The following RAB28 variants were observed in gnomAD, a reference collection of about 807,000 sequenced individuals.
The protein encoded by RAB28 is RAB28, member RAS oncogene family, also known as ras-related protein Rab-28.
RAB28 carries 24 observed loss-of-function variants against 31.7 expected under a neutral mutation model. That is an observed-to-expected ratio of 0.76 (90% CI 0.55 to 1.06). The LOEUF (loss-of-function observed/expected upper bound fraction) is 1.06, where lower values mean the gene tolerates loss of function less well. Ranked by LOEUF, RAB28 falls within the 50% of genes least tolerant of loss-of-function variation. The probability of loss-of-function intolerance (pLI) is 0.00; values close to 1 mark genes in which losing one functional copy is unlikely to be tolerated. For missense variants in RAB28, 254 were observed against 258.5 expected (o/e 0.98, Z 0.12); for synonymous variants, 100 against 90.4 (o/e 1.11, Z -0.60).
chr4:13,416,237 T>TGC (rs1424657746), intron 4 of RAB28, among the ~76,000 whole-genome samples: 1 of 152,170 alleles, frequency 6.6e-6, no homozygotes, highest in Non-Finnish European at 1.5e-5. Flanking sequence ...CAATAAATCT[T>TGC]GCTGCTGCTC....
intron 4 of RAB28, among the ~76,000 whole-genome samples, chr4:13,401,523 A>G (rs2108900661): frequency 6.6e-6 from 1 of 152,302 alleles, no homozygotes; most frequent in Middle Eastern, 3.4e-3. Context: ...CTTAAAGTAA[A>G]ATAATTTTAA....
chr4:13,385,232 G>A (rs971650991), intron 4 of RAB28, among the ~76,000 whole-genome samples: 4 of 152,156 alleles, frequency 2.6e-5, no homozygotes, highest in African/African-American at 9.7e-5. Flanking sequence ...ACTCATTGGT[G>A]TCCCTGAAAC....
intron 3 of RAB28, among the ~76,000 whole-genome samples, chr4:13,471,757 T>G (rs1278997853): frequency 6.6e-6 from 1 of 152,086 alleles, no homozygotes; most frequent in Non-Finnish European, 1.5e-5. Context: ...TCAGAAATAC[T>G]GTACTAAATT....
At chr4:13,434,358 G>C (rs1440518432) in intron 4 of RAB28, among the ~76,000 whole-genome samples, 1 of 152,040 alleles carries the variant, frequency 6.6e-6, no homozygotes, top group Non-Finnish European at 1.5e-5. Flanking sequence ...CATGATAAAG[G>C]GTTCAATTTG....
At chr4:13,368,851 C>T (rs1728613112) in intron 6 of RAB28, among the ~76,000 whole-genome samples, 1 of 151,414 alleles carries the variant, frequency 6.6e-6, no homozygotes, top group Non-Finnish European at 1.5e-5. Context: ...AATGGCAACT[C>T]AGCTACTGAG....
At chr4:13,419,410 T>C (rs1040931619) in intron 4 of RAB28, among the ~76,000 whole-genome samples, 117 of 152,214 alleles carry the variant, frequency 7.7e-4, no homozygotes, top group African/African-American at 2.7e-3. Flanking sequence ...CTAATAGATA[T>C]CTACAGAACT....
chr4:13,463,594 G>A (rs946198207), intron 3 of RAB28, among the ~76,000 whole-genome samples: 1 of 151,924 alleles, frequency 6.6e-6, no homozygotes, highest in South Asian at 2.1e-4. Context: ...CCAATCTCTG[G>A]TCTAGACAAA....
chr4:13,462,192 G>T (rs1715620902), intron 3 of RAB28, among the ~76,000 whole-genome samples: 1 of 152,124 alleles, frequency 6.6e-6, no homozygotes. Context: ...CAATTGGCTT[G>T]GGGTTCAGGG....
chr4:13,480,993 T>G (rs996724205), intron 1 of RAB28, among the ~76,000 whole-genome samples: 6 of 151,990 alleles, frequency 3.9e-5, no homozygotes, highest in Admixed American at 3.9e-4. Flanking sequence ...TTACAGATAT[T>G]TCAAAATATT....
chr4:13,402,369 G>A (rs1467023167), intron 4 of RAB28, among the ~76,000 whole-genome samples: 3 of 152,154 alleles, frequency 2.0e-5, no homozygotes, highest in Admixed American at 2.0e-4. Flanking sequence ...CAGATTCAAT[G>A]GTAGGTTTGT....
intron 4 of RAB28, among the ~76,000 whole-genome samples, chr4:13,456,674 A>G (rs1191436611): frequency 6.6e-6 from 1 of 152,210 alleles, no homozygotes; most frequent in African/African-American, 2.4e-5. Flanking sequence ...AATAACACTA[A>G]TTAGCATCTG....
At position 13,385,921 on chromosome 4, in the gene RAB28, A is replaced by G. The variant is rs28795237; in HGVS notation, c.392-4327T>C. ...CAGAAACTGTGAAATTCCTAGAAGA[A>G]AACAAGAGAAATGCTTACAGACATT... is the stretch of plus-strand genomic sequence containing the variant. On this transcript the variant is annotated intron_variant, in intron 4 of 6. Transcript: ENST00000330852. 8.2e-3 allele frequency among the ~76,000 whole-genome samples: 1,250 copies of G among 152,288 alleles called. 9 individuals are homozygous for G. Among genetic ancestry groups the G allele is most frequent in the African/African-American group, 0.029 (1,193 of 41,562 alleles).
intron 6 of RAB28, chr4:13,370,758 T>C (rs1728684423): frequency 1.0e-6 from 1 of 984,872 alleles, no homozygotes; most frequent in South Asian, 4.7e-5. Flanking sequence ...AAGTTCAAAA[T>C]GCAGTTGCAG....
At chr4:13,400,576 C>A (rs1422871299) in intron 4 of RAB28, among the ~76,000 whole-genome samples, 1 of 151,992 alleles carries the variant, frequency 6.6e-6, no homozygotes, top group Non-Finnish European at 1.5e-5. Context: ...TTTATAATAG[C>A]TAGGACCTTA....
intron 6 of RAB28, chr4:13,371,886 T>C: frequency 1.1e-5 from 16 of 1,510,774 alleles, no homozygotes; most frequent in Admixed American, 2.0e-5. Context: ...AAAAGAGTTA[T>C]ATGGGTGAAT....
At chr4:13,376,418 C>CA in intron 6 of RAB28, 127 bp downstream of exon 6, 1 of 595,534 alleles carries the variant, frequency 1.7e-6, no homozygotes, top group Non-Finnish European at 2.8e-6. Flanking sequence ...TTCATACATA[C>CA]AATCTATTCC....
chr4:13,398,777 C>CAAA (rs869245506), intron 4 of RAB28, among the ~76,000 whole-genome samples: 2 of 74,808 alleles, frequency 2.7e-5, no homozygotes, highest in East Asian at 4.4e-4. Flanking sequence ...GACTCCGTTT[C>CAAA]AAAAAAAAAA....
At chr4:13,424,674 C>A (rs1258875518) in intron 4 of RAB28, among the ~76,000 whole-genome samples, 1 of 152,166 alleles carries the variant, frequency 6.6e-6, no homozygotes, top group Non-Finnish European at 1.5e-5. Flanking sequence ...GTCACCAGAT[C>A]TATACACCTA....
intron 6 of RAB28, among the ~76,000 whole-genome samples, chr4:13,375,602 C>A (rs1254664525): frequency 6.6e-6 from 1 of 152,122 alleles, no homozygotes; most frequent in Non-Finnish European, 1.5e-5. Context: ...TTAAACATCA[C>A]AAAGTATCTT....
Sources: gnomAD v4.1 joint callset for allele counts (sites outside exome capture counted in the v4.1 genomes callset) on GRCh38, gnomAD v4.1.1 for gene constraint, MANE v1.5 for transcripts, NCBI Gene and HGNC (gene_info 2026-07-23, HGNC 2026-07-21) for gene names.